FAM135B: variants seen among roughly 807,000 people sequenced by gnomAD.
FAM135B encodes the protein protein FAM135B.
In FAM135B, 43 loss-of-function variants were observed where a neutral mutation model predicts 127.7. That is an observed-to-expected ratio of 0.34 (90% confidence interval 0.26 to 0.43). FAM135B has a LOEUF of 0.43. Ranked by LOEUF, FAM135B falls within the 20% of genes least tolerant of loss-of-function variation. FAM135B has a pLI of 1.00. For missense variants in FAM135B, 1,558 were observed against 1,725.6 expected (o/e 0.90, Z 1.72); for synonymous variants, 670 against 665.1 (o/e 1.01, Z -0.11).
At chr8:138,220,303 G>A (rs1182619284) in intron 7 of FAM135B, among the ~76,000 whole-genome samples, 1 of 152,136 alleles carries the variant, frequency 6.6e-6, no homozygotes, top group Non-Finnish European at 1.5e-5. Flanking sequence ...CTAGGCAAGT[G>A]TAATTCAAAT....
intron 3 of FAM135B, among the ~76,000 whole-genome samples, chr8:138,279,951 G>A: frequency 6.6e-6 from 1 of 152,158 alleles, no homozygotes; most frequent in East Asian, 1.9e-4. Context: ...CCAAAAGAAG[G>A]CTGAGTACTC....
intron 1 of FAM135B, among the ~76,000 whole-genome samples, chr8:138,418,652 TAAAGA>T (rs1433500399): frequency 6.6e-6 from 1 of 152,088 alleles, no homozygotes; most frequent in Non-Finnish European, 1.5e-5. Flanking sequence ...TCAGCATCTT[TAAAGA>T]AAAGAAATTC....
rs547181774 is a variant in FAM135B at position 138,154,205 on chromosome 8, A to G, written c.1259-989T>C. Among the ~76,000 whole-genome samples, 17 of 152,308 alleles carry G rather than the reference A, an allele frequency of 1.1e-4. No homozygotes were observed. The East Asian group carries it at 3.1e-3, about 28-fold the overall frequency. On this transcript the variant is annotated intron_variant, in intron 12 of 19. Coordinates refer to ENST00000395297, the MANE Select transcript of FAM135B (RefSeq NM_015912.4). The stretch of plus-strand genomic sequence containing the variant: ...TGGAGTGGACCTCCAGCAAACTCCA[A>G]AAGACCTGCAGCTGAGGGTCCTGAC...
intron 1 of FAM135B, among the ~76,000 whole-genome samples, chr8:138,433,860 G>C (rs1376518222): frequency 1.3e-5 from 2 of 152,206 alleles, no homozygotes; most frequent in Admixed American, 1.3e-4. Flanking sequence ...GCCCAGGACA[G>C]AGAGGGTGAA....
intron 3 of FAM135B, among the ~76,000 whole-genome samples, chr8:138,282,002 T>C (rs1002092053): frequency 1.3e-5 from 2 of 152,176 alleles, no homozygotes; most frequent in Non-Finnish European, 2.9e-5. Flanking sequence ...AACCGTAATG[T>C]AAGCAACATG....
At chr8:138,182,230 T>C (rs548389600) in intron 9 of FAM135B, among the ~76,000 whole-genome samples, 24 of 152,360 alleles carry the variant, frequency 1.6e-4, no homozygotes, top group African/African-American at 4.6e-4. Flanking sequence ...GAAATGGCTT[T>C]AGATAAGGTT....
chr8:138,205,910 A>G (rs975327977), intron 7 of FAM135B, among the ~76,000 whole-genome samples: 5 of 151,864 alleles, frequency 3.3e-5, no homozygotes, highest in Non-Finnish European at 1.5e-5. Flanking sequence ...TGACCCAGGT[A>G]TCTGTTCCAT....
intron 1 of FAM135B, among the ~76,000 whole-genome samples, chr8:138,368,936 G>T (rs1008642893): frequency 1.3e-5 from 2 of 152,096 alleles, no homozygotes; most frequent in East Asian, 1.9e-4. Context: ...TTCCATGTAA[G>T]TTGCCTGATT....
intron 2 of FAM135B, among the ~76,000 whole-genome samples, chr8:138,335,480 T>A (rs1465628777): frequency 6.6e-6 from 1 of 152,168 alleles, no homozygotes; most frequent in Non-Finnish European, 1.5e-5. Flanking sequence ...AAACAGACTT[T>A]AAACCAACAA....
At chr8:138,330,823 G>A (rs556972726) in intron 2 of FAM135B, among the ~76,000 whole-genome samples, 40 of 151,910 alleles carry the variant, frequency 2.6e-4, no homozygotes, top group South Asian at 4.2e-4. Context: ...ATAAGCTGTC[G>A]GCCACTCTCA....
At chr8:138,205,572 C>A (rs922437677) in intron 7 of FAM135B, among the ~76,000 whole-genome samples, 1 of 152,238 alleles carries the variant, frequency 6.6e-6, no homozygotes, top group South Asian at 2.1e-4. Context: ...CTTACCTTTC[C>A]GGCTCTTTAA....
At position 138,142,809 on chromosome 8, in the gene FAM135B, C is replaced by A. The variant is rs1243998264; in HGVS notation, c.3638+203G>T. 4 of 460,092 alleles carry A rather than the reference C, an allele frequency of 8.7e-6. No homozygotes were observed. The East Asian group carries it at 1.4e-4, about 16-fold the overall frequency. The allele number at this position is 460,092 out of a possible 1,614,324, so 28.5% of individuals were successfully genotyped here. On this transcript the variant is annotated intron_variant, in intron 16 of 19. Transcript: ENST00000395297. The stretch of plus-strand genomic sequence containing the variant: ...TCTACAGAACTACAAAATTTTTATT[C>A]TCCCTGACACAAACTATGGCAGAGA...
intron 1 of FAM135B, among the ~76,000 whole-genome samples, chr8:138,371,268 T>C (rs1434465972): frequency 6.6e-6 from 1 of 152,212 alleles, no homozygotes; most frequent in Non-Finnish European, 1.5e-5. Context: ...TAATATAGTG[T>C]CTGGCATATT....
chr8:138,470,900 T>TA (rs1837638768), intron 1 of FAM135B, among the ~76,000 whole-genome samples: 1 of 152,170 alleles, frequency 6.6e-6, no homozygotes, highest in South Asian at 2.1e-4. Context: ...ACAAAACCAA[T>TA]ATAAAGGAAA....
intron 1 of FAM135B, among the ~76,000 whole-genome samples, chr8:138,457,399 C>T (rs1836850494): frequency 6.6e-6 from 1 of 152,172 alleles, no homozygotes; most frequent in African/African-American, 2.4e-5. Context: ...ACTCATACAA[C>T]TGCCTCAATA....
intron 3 of FAM135B, among the ~76,000 whole-genome samples, chr8:138,295,184 C>T (rs188240650): frequency 1.4e-3 from 196 of 135,740 alleles, no homozygotes; most frequent in African/African-American, 4.9e-3. Flanking sequence ...GAAGGGCTGA[C>T]GTCTAGCTCA....
intron 7 of FAM135B, among the ~76,000 whole-genome samples, chr8:138,221,488 T>C (rs1430140217): frequency 6.6e-6 from 1 of 152,146 alleles, no homozygotes; most frequent in African/African-American, 2.4e-5. Context: ...AGGACACGGA[T>C]TCAAACCATA....
chr8:138,419,019 T>C (rs976656921), intron 1 of FAM135B, among the ~76,000 whole-genome samples: 4 of 151,880 alleles, frequency 2.6e-5, no homozygotes, highest in African/African-American at 7.3e-5. Flanking sequence ...ACCTTGAACA[T>C]AAACAGGCTA....
At chr8:138,483,968 A>G (rs1398878330) in intron 1 of FAM135B, among the ~76,000 whole-genome samples, 1 of 152,248 alleles carries the variant, frequency 6.6e-6, no homozygotes, top group African/African-American at 2.4e-5. Context: ...CAAATAAGAA[A>G]GAGCAGATCT....
Sources: allele counts gnomAD v4.1 joint callset (sites outside exome capture counted in the v4.1 genomes callset), GRCh38; gene constraint gnomAD v4.1.1; transcripts MANE v1.5; gene names NCBI Gene and HGNC (gene_info 2026-07-23, HGNC 2026-07-21).